SOS1: variants seen among roughly 807,000 people sequenced by gnomAD.
The protein encoded by SOS1 is SOS Ras/Rac guanine nucleotide exchange factor 1.
In SOS1, 25 loss-of-function variants were observed where a neutral mutation model predicts 157.6. That is an observed-to-expected ratio of 0.16 (90% CI 0.12 to 0.22). The LOEUF is 0.22. Ranked by LOEUF, SOS1 falls within the 10% of genes least tolerant of loss-of-function variation. The pLI is 1.00. For missense variants in SOS1, 1,237 were observed against 1,599.1 expected (o/e 0.77, Z 3.86); for synonymous variants, 528 against 534.0 (o/e 0.99, Z 0.16).
intron 8 of SOS1, among the ~76,000 whole-genome samples, chr2:39,032,486 A>G (rs1055086011): frequency 1.3e-5 from 2 of 152,246 alleles, no homozygotes; most frequent in Admixed American, 6.5e-5. Context: ...AGGAAAATGT[A>G]TATATATTTT....
At chr2:38,994,181 G>T (rs914118734) in intron 20 of SOS1, among the ~76,000 whole-genome samples, 1 of 152,128 alleles carries the variant, frequency 6.6e-6, no homozygotes, top group Non-Finnish European at 1.5e-5. Flanking sequence ...TTTTTATATT[G>T]ATTTCATGTT....
At chr2:38,991,908 T>A (rs1450714802) in intron 20 of SOS1, among the ~76,000 whole-genome samples, 1 of 152,200 alleles carries the variant, frequency 6.6e-6, no homozygotes, top group Non-Finnish European at 1.5e-5. Flanking sequence ...AAAAGTAGAT[T>A]ATTTTGGGAA....
rs113164980 is a variant in SOS1, at chr2:39,010,315, C to CA, written c.2510+268dup. 0.011 allele frequency among the ~76,000 whole-genome samples: 982 copies of CA among 91,466 alleles called. 6 individuals carry two copies. The highest frequency in any genetic ancestry group is 0.023 in the African/African-American group (577 of 24,598). The allele number at this position is 91,466 out of a possible 152,430, so 60.0% of individuals were successfully genotyped here. A position where few individuals can be genotyped will look rare whatever the true frequency, so the allele number is the denominator to read the frequency against. ...TGGGCAACAGAGCCAGACTCTGTCT[C>CA]AAAAAAAAAAAAAAAGAAAAAGAAA... On this transcript the variant is annotated intron_variant, in intron 15 of 22. Coordinates refer to ENST00000402219, the MANE Select transcript of SOS1 (RefSeq NM_005633.4).
chr2:39,085,580 A>G (rs769044380), intron 1 of SOS1, among the ~76,000 whole-genome samples: 1 of 152,252 alleles, frequency 6.6e-6, no homozygotes, highest in African/African-American at 2.4e-5. Context: ...ATAACAAGCA[A>G]GGAAAAAAAC....
At chr2:39,040,818 T>C (rs1670544079) in intron 6 of SOS1, among the ~76,000 whole-genome samples, 1 of 152,224 alleles carries the variant, frequency 6.6e-6, no homozygotes, top group Non-Finnish European at 1.5e-5. Flanking sequence ...CATACAAGTA[T>C]AGGATTGAAT....
intron 19 of SOS1, among the ~76,000 whole-genome samples, chr2:38,995,677 ATGTAT>A (rs1330383147): frequency 5.3e-5 from 8 of 152,190 alleles, no homozygotes; most frequent in African/African-American, 1.2e-4. Context: ...TTTTTCTAAA[ATGTAT>A]TGTATATTTC....
chr2:39,087,123 G>T (rs1038506621), intron 1 of SOS1, among the ~76,000 whole-genome samples: 5 of 152,186 alleles, frequency 3.3e-5, no homozygotes, highest in African/African-American at 1.2e-4. Flanking sequence ...GACAGTTTTT[G>T]AAAATTATAG....
chr2:39,019,306 A>AT (rs1669721784), intron 10 of SOS1, among the ~76,000 whole-genome samples: 1 of 151,646 alleles, frequency 6.6e-6, no homozygotes, highest in South Asian at 2.1e-4. Context: ...ACCACCTACC[A>AT]TTTATCTACT....
At chr2:39,028,276 C>A (rs1377535000) in intron 8 of SOS1, among the ~76,000 whole-genome samples, 1 of 151,890 alleles carries the variant, frequency 6.6e-6, no homozygotes, top group Non-Finnish European at 1.5e-5. Flanking sequence ...GCAAAGGAAA[C>A]CCTGGGAGAT....
intron 1 of SOS1, among the ~76,000 whole-genome samples, chr2:39,091,675 G>T (rs1347464627): frequency 2.0e-5 from 3 of 151,958 alleles, no homozygotes; most frequent in Non-Finnish European, 4.4e-5. Flanking sequence ...TCCTCAAAAG[G>T]ATCTCCACAG....
At chr2:39,000,920 G>A (rs1381213868) in intron 17 of SOS1, among the ~76,000 whole-genome samples, 1 of 152,194 alleles carries the variant, frequency 6.6e-6, no homozygotes, top group African/African-American at 2.4e-5. Context: ...TGGAAAGCAA[G>A]AATGGAGACA....
chr2:39,078,377 A>G (rs1438392851), intron 1 of SOS1, among the ~76,000 whole-genome samples: 3 of 152,254 alleles, frequency 2.0e-5, no homozygotes, highest in East Asian at 1.9e-4. Flanking sequence ...AATTTGGATT[A>G]AAGTTTAACA....
intron 8 of SOS1, chr2:39,034,784 T>G: frequency 2.2e-6 from 1 of 456,462 alleles, no homozygotes; most frequent in South Asian, 1.5e-5. Context: ...TCCCCATTAC[T>G]TTGGCCTTAT....
chr2:39,115,286 T>C (rs1358118831), intron 1 of SOS1, among the ~76,000 whole-genome samples: 1 of 152,178 alleles, frequency 6.6e-6, no homozygotes, highest in African/African-American at 2.4e-5. Context: ...TTGCACCTTC[T>C]AGAATGTTCT....
chr2:38,999,946 G>T lies in SOS1; in HGVS notation c.2792-2521C>A, dbSNP rs577159507. ...TATGAAGCCAGGTGGGTTGGAAGGA[G>T]TTAAGACCAGTAACATGAAGAGCAG... On this transcript the variant is annotated intron_variant, in intron 17 of 22. Coordinates refer to ENST00000402219, the MANE Select transcript of SOS1 (RefSeq NM_005633.4). 6.6e-5 allele frequency among the ~76,000 whole-genome samples: 10 copies of T among 152,306 alleles called. No individual in the cohort carries two copies. In the East Asian group the frequency reaches 1.9e-3, roughly 29 times the overall value.
chr2:39,019,272 A>G (rs1394554615), intron 10 of SOS1, among the ~76,000 whole-genome samples: 2 of 151,722 alleles, frequency 1.3e-5, no homozygotes, highest in Non-Finnish European at 3.0e-5. Flanking sequence ...TTTTTCTAAA[A>G]TAGACTACCA....
In SOS1 at chr2:39,027,835, T is replaced by A. The variant is rs369676215; in HGVS notation, c.1075-3698A>T. On this transcript the variant is annotated intron_variant, in intron 8 of 22. Transcript: ENST00000402219. The stretch of plus-strand genomic sequence containing the variant: ...ATCTAGGGAATCATATTATTATTTT[T>A]TTTTTTTTTTTGAGATGGAGTCTTG... Among the ~76,000 whole-genome samples the A allele has an allele frequency of 7.7e-4, 117 of 151,870 alleles. 1 individual carries two copies. The highest frequency in any genetic ancestry group is 2.8e-3 in the African/African-American group (116 of 41,482).
chr2:39,004,850 T>C (rs1196984078), intron 17 of SOS1, among the ~76,000 whole-genome samples: 18 of 151,848 alleles, frequency 1.2e-4, no homozygotes, highest in Admixed American at 1.2e-3. Context: ...TTAGTAGTTG[T>C]AATAATAGAA....
chr2:39,046,495 C>CTTTTT (rs201639147), intron 6 of SOS1, among the ~76,000 whole-genome samples: 2 of 124,382 alleles, frequency 1.6e-5, no homozygotes, highest in African/African-American at 6.6e-5. Flanking sequence ...GAGACAGTGT[C>CTTTTT]TTTTTTTTTT....
Sources: allele counts gnomAD v4.1 joint callset (sites outside exome capture counted in the v4.1 genomes callset), GRCh38; gene constraint gnomAD v4.1.1; transcripts MANE v1.5; gene names NCBI Gene and HGNC (gene_info 2026-07-23, HGNC 2026-07-21).